Variants in ADA2 observed in about 807,000 individuals in gnomAD.
The protein encoded by ADA2 is adenosine deaminase 2, also known as adenosine deaminase CECR1.
A neutral mutation model predicts 44.2 loss-of-function variants in ADA2; 29 were observed. The ratio of observed to expected loss-of-function variants is 0.66; its 90% CI spans 0.49 to 0.89. The LOEUF is 0.89. Among genes scored for constraint, ADA2 ranks in the 40% least tolerant of loss-of-function variants. ADA2 has a pLI of 0.00. For missense variants in ADA2, 637 were observed against 644.8 expected (o/e 0.99, Z 0.13); for synonymous variants, 215 against 234.9 (o/e 0.92, Z 0.77).
At chr22:17,214,029 A>C (rs554138371) in intron 1 of ADA2, 1 of 394,622 alleles carries the variant, frequency 2.5e-6, no homozygotes, top group African/African-American at 2.4e-5. Flanking sequence ...ACAAGAGCGA[A>C]ACTCTGTCTC....
intron 4 of ADA2, chr22:17,199,435 T>TCCTCTTCCCCTCCCTCCCCTCCTCGAA: frequency 1.0e-6 from 1 of 994,830 alleles, no homozygotes; most frequent in Non-Finnish European, 1.6e-6. Context: ...CCCTCCTCTA[T>TCCTCTTCCCCTCCCTCCCCTCCTCGAA]CCTCTTCCCC....
At chr22:17,211,677 C>G (rs932835637) in intron 1 of ADA2, among the ~76,000 whole-genome samples, 2 of 152,110 alleles carry the variant, frequency 1.3e-5, no homozygotes, top group Non-Finnish European at 2.9e-5. Flanking sequence ...CCCCTGTAAT[C>G]CCAGCACTTT....
intron 7 of ADA2, among the ~76,000 whole-genome samples, chr22:17,185,203 G>A (rs1294829531): frequency 2.0e-5 from 3 of 151,218 alleles, no homozygotes; most frequent in Non-Finnish European, 4.4e-5. Flanking sequence ...ACGAGGTTAG[G>A]AGTTCCGGAC....
intron 7 of ADA2, among the ~76,000 whole-genome samples, chr22:17,184,983 A>AATATATATATATATATATATAT (rs374170344): frequency 0.011 from 859 of 78,318 alleles, 38 homozygotes; most frequent in Non-Finnish European, 0.014. Flanking sequence ...CCCATGTCAA[A>AATATATATATATATATATATAT]ATATATATAT....
At chr22:17,212,272 C>G (rs2062427283) in intron 1 of ADA2, among the ~76,000 whole-genome samples, 1 of 152,038 alleles carries the variant, frequency 6.6e-6, no homozygotes, top group African/African-American at 2.4e-5. Flanking sequence ...GGTGATCCAC[C>G]AGACTCGGAC....
At position 17,190,051 on chromosome 22, in the gene ADA2, A is replaced by G; in HGVS notation, c.882-19T>C. ...TTTGGATCTGTGAGACAGACAGAGA[A>G]GCCAGGAGACAGTGCCCAGCACCGA... On this transcript the variant is annotated intron_variant, in intron 5 of 9. Coordinates refer to ENST00000399837, the MANE Select transcript of ADA2 (RefSeq NM_001282225.2). 3 of 1,588,508 alleles carry G rather than the reference A, an allele frequency of 1.9e-6. No homozygotes were observed. The highest frequency in any genetic ancestry group is 1.7e-6 in the Non-Finnish European group (2 of 1,156,832).
chr22:17,202,625 C>A (rs1209296094), intron 4 of ADA2, among the ~76,000 whole-genome samples: 2 of 152,134 alleles, frequency 1.3e-5, no homozygotes, highest in Non-Finnish European at 2.9e-5. Flanking sequence ...CAAGTCTCTC[C>A]ATCCTAAAAA....
chr22:17,219,809 G>A (rs527725699), upstream of ADA2, among the ~76,000 whole-genome samples: 50 of 151,968 alleles, frequency 3.3e-4, no homozygotes, highest in African/African-American at 1.2e-3. Flanking sequence ...CGAGTAGCTG[G>A]GATTGCAGGC....
chr22:17,218,303 G>A (rs1388116339), intron 1 of ADA2, among the ~76,000 whole-genome samples: 1 of 152,166 alleles, frequency 6.6e-6, no homozygotes, highest in Non-Finnish European at 1.5e-5. Context: ...TCCCAGCTCA[G>A]TTATTCTGTA....
intron 1 of ADA2, among the ~76,000 whole-genome samples, chr22:17,210,636 C>T (rs748893399): frequency 2.0e-5 from 3 of 151,752 alleles, no homozygotes; most frequent in Non-Finnish European, 4.4e-5. Flanking sequence ...CTTGCTCTGT[C>T]ACCCAGGCTG....
At chr22:17,201,204 A>C (rs995964786) in intron 4 of ADA2, among the ~76,000 whole-genome samples, 41 of 148,230 alleles carry the variant, frequency 2.8e-4, no homozygotes, top group African/African-American at 8.8e-4. Context: ...AATTCTGTCA[A>C]AAAAAAAAAA....
intron 4 of ADA2, among the ~76,000 whole-genome samples, chr22:17,197,856 T>C (rs2062212315): frequency 1.3e-5 from 2 of 152,136 alleles, no homozygotes; most frequent in South Asian, 2.1e-4. Context: ...CTGACCAACA[T>C]GGAGAAACCC....
intron 8 of ADA2, among the ~76,000 whole-genome samples, 166 bp from the exon 9 acceptor site, chr22:17,182,188 G>C (rs571729827): frequency 6.6e-6 from 1 of 152,200 alleles, no homozygotes; most frequent in Non-Finnish European, 1.5e-5. Context: ...ATAAGGAACA[G>C]AGCCAGTCCT....
rs5747021 is a variant in ADA2 at position 17,203,422 on chromosome 22, T to A, written c.753+141A>T. The A allele has an allele frequency of 0.96, 646,201 of 674,154 alleles. 309,844 individuals are homozygous for A. Among genetic ancestry groups the A allele is most frequent in the East Asian group, 1 (36,639 of 36,646 alleles). The allele number at this position is 674,154 out of a possible 1,614,324, so 41.8% of individuals were successfully genotyped here. On this transcript the variant is annotated intron_variant, in intron 4 of 9. Coordinates refer to ENST00000399837, the MANE Select transcript of ADA2 (RefSeq NM_001282225.2). ...TCCATTTCAGGTTTCCTTGCTCATG[T>A]TGGCCCCTGGAAAGGCACATGATCC...
chr22:17,220,471 G>A (rs2062515214), upstream of ADA2, among the ~76,000 whole-genome samples: 1 of 152,166 alleles, frequency 6.6e-6, no homozygotes, highest in Non-Finnish European at 1.5e-5. Flanking sequence ...CCACCACAGA[G>A]GGTCCATTGT....
chr22:17,183,456 C>CTTTTTTTT (rs1227906560), intron 7 of ADA2, among the ~76,000 whole-genome samples: 1 of 77,456 alleles, frequency 1.3e-5, no homozygotes, highest in Non-Finnish European at 2.5e-5. Context: ...TTGTGGCACT[C>CTTTTTTTT]TTTTTTTTTT....
chr22:17,207,369 G>A, intron 2 of ADA2, 79 bp from the exon 3 acceptor site: 3 of 1,058,240 alleles, frequency 2.8e-6, no homozygotes, highest in Non-Finnish European at 4.3e-6. Flanking sequence ...ACAAAGGAGG[G>A]GGTGAAGTCC....
At chr22:17,183,908 A>G (rs564239105) in intron 7 of ADA2, among the ~76,000 whole-genome samples, 1 of 150,350 alleles carries the variant, frequency 6.7e-6, no homozygotes, top group African/African-American at 2.5e-5. Context: ...ATGACCGCAG[A>G]CAGTCTTGTG....
intron 7 of ADA2, among the ~76,000 whole-genome samples, chr22:17,183,955 C>CTTT (rs33921509): frequency 0.32 from 25,780 of 79,694 alleles, 6,703 homozygotes; most frequent in Non-Finnish European, 0.38. Flanking sequence ...TCACACCTTT[C>CTTT]TTTTTTTTTT....
Sources: gnomAD v4.1 joint callset for allele counts (sites outside exome capture counted in the v4.1 genomes callset) on GRCh38, gnomAD v4.1.1 for gene constraint, MANE v1.5 for transcripts, NCBI Gene and HGNC (gene_info 2026-07-23, HGNC 2026-07-21) for gene names.